The following AGBL1 variants were observed in gnomAD, a reference collection of about 807,000 sequenced individuals.
The protein encoded by AGBL1 is cytosolic carboxypeptidase 4.
A neutral mutation model predicts 118.9 loss-of-function variants in AGBL1; 130 were observed. That is an observed-to-expected ratio of 1.09 (90% CI 0.95 to 1.26). The LOEUF (loss-of-function observed/expected upper bound fraction) is 1.26. Among genes scored for constraint, AGBL1 ranks in the 50% most tolerant of loss-of-function variants. The pLI is 0.00. For synonymous variants in AGBL1, 555 were observed against 478.9 expected (o/e 1.16, Z -2.08); for missense variants, 1,584 against 1,298.1 (o/e 1.22, Z -3.38).
intron 24 of AGBL1, among the ~76,000 whole-genome samples, chr15:87,007,383 A>G (rs1207651832): frequency 6.6e-6 from 1 of 152,226 alleles, no homozygotes; most frequent in East Asian, 1.9e-4. Context: ...TTTTAGCTAA[A>G]CTATTTCCTC....
chr15:86,824,010 T>C (rs537821454), intron 22 of AGBL1, among the ~76,000 whole-genome samples: 13 of 152,162 alleles, frequency 8.5e-5, no homozygotes, highest in African/African-American at 3.1e-4. Context: ...CCCCTGATGA[T>C]TGGGAACAAG....
At chr15:87,007,560 T>C (rs375507085) in intron 24 of AGBL1, among the ~76,000 whole-genome samples, 1 of 152,268 alleles carries the variant, frequency 6.6e-6, no homozygotes, top group Middle Eastern at 3.4e-3. Flanking sequence ...ATAATAGACA[T>C]GAATAAGAAC....
chr15:86,310,784 T>C (rs559314110), intron 17 of AGBL1, among the ~76,000 whole-genome samples: 1 of 152,198 alleles, frequency 6.6e-6, no homozygotes, highest in Admixed American at 6.5e-5. Context: ...CAACTGAGAG[T>C]GCTAGCAAAC....
chr15:86,931,471 G>A (rs1201793343), intron 23 of AGBL1, among the ~76,000 whole-genome samples: 1 of 152,038 alleles, frequency 6.6e-6, no homozygotes, highest in East Asian at 1.9e-4. Flanking sequence ...TGGGCAAGTG[G>A]ACCCCAGTTC....
intron 22 of AGBL1, among the ~76,000 whole-genome samples, chr15:86,861,654 A>G (rs1310539122): frequency 1.3e-5 from 2 of 152,202 alleles, no homozygotes; most frequent in Non-Finnish European, 2.9e-5. Context: ...AAAACAATAT[A>G]TTAGGTATTT....
chr15:86,208,329 C>T (rs758626358), intron 5 of AGBL1, among the ~76,000 whole-genome samples: 41 of 152,144 alleles, frequency 2.7e-4, no homozygotes, highest in Non-Finnish European at 5.9e-5. Context: ...ATGATGCTGA[C>T]CTCATAAAAT....
At chr15:86,616,339 C>CAA (rs199936794) in intron 21 of AGBL1, among the ~76,000 whole-genome samples, 55 of 49,246 alleles carry the variant, frequency 1.1e-3, no homozygotes, top group Non-Finnish European at 1.9e-3. Flanking sequence ...TCCTCCACTT[C>CAA]AAAAAAAAAA....
At chr15:87,025,031 TG>T (rs1161617220) in intron 24 of AGBL1, among the ~76,000 whole-genome samples, 2 of 152,008 alleles carry the variant, frequency 1.3e-5, no homozygotes, top group Admixed American at 1.3e-4. Context: ...TAATGCTGAA[TG>T]GGGAAAAGTT....
chr15:86,277,289 A>AGAGT (rs149900878), intron 15 of AGBL1, among the ~76,000 whole-genome samples: 2 of 148,762 alleles, frequency 1.3e-5, no homozygotes, highest in East Asian at 2.0e-4. Context: ...AGAGAGAGAG[A>AGAGT]GTGTGTGTGT....
chr15:86,237,679 T>G (rs1008352584), intron 6 of AGBL1, among the ~76,000 whole-genome samples: 8 of 152,138 alleles, frequency 5.3e-5, no homozygotes, highest in African/African-American at 1.7e-4. Context: ...TTTGGATGGA[T>G]AAAAAAACTC....
rs146101715 is a variant in AGBL1, at chr15:86,281,253, A to G, written c.2220+1470A>G. Among the ~76,000 whole-genome samples the G allele has an allele frequency of 6.8e-4, 104 of 152,236 alleles. No individual in the cohort carries two copies. In the East Asian group the frequency reaches 0.012, roughly 18 times the overall value. On this transcript the variant is annotated intron_variant, in intron 16 of 22. Coordinates refer to ENST00000614907, the MANE Select transcript of AGBL1 (RefSeq NM_001386094.1). ...ACAAAAATTAGCCAGGCCTGGTGGC[A>G]TGCACCCATAGACCCAGCTACTTGG... is the stretch of plus-strand genomic sequence containing the variant.
At chr15:86,537,985 G>T (rs16977781) in intron 19 of AGBL1, among the ~76,000 whole-genome samples, 2 of 152,074 alleles carry the variant, frequency 1.3e-5, no homozygotes, top group African/African-American at 4.8e-5. Context: ...TGATTTACAG[G>T]CGCTCTTTCA....
At chr15:86,314,340 TCTTC>T (rs1026645467) in intron 17 of AGBL1, among the ~76,000 whole-genome samples, 10 of 152,186 alleles carry the variant, frequency 6.6e-5, no homozygotes, top group Admixed American at 3.3e-4. Context: ...GCTAGTAAGA[TCTTC>T]CTTTAGAGTG....
intron 21 of AGBL1, among the ~76,000 whole-genome samples, chr15:86,574,452 C>T (rs1346080936): frequency 6.6e-6 from 1 of 151,858 alleles, no homozygotes; most frequent in Non-Finnish European, 1.5e-5. Context: ...AACAAGGGCC[C>T]AACAAGAACT....
At chr15:86,638,030 G>A (rs1596327671) in intron 21 of AGBL1, among the ~76,000 whole-genome samples, 2 of 152,050 alleles carry the variant, frequency 1.3e-5, no homozygotes, top group Non-Finnish European at 2.9e-5. Context: ...GGACCTCAGA[G>A]GAAGAACAGG....
At chr15:86,663,069 A>C (rs979647577) in intron 21 of AGBL1, among the ~76,000 whole-genome samples, 5 of 152,270 alleles carry the variant, frequency 3.3e-5, no homozygotes, top group African/African-American at 4.8e-5. Context: ...CACTGGCGTG[A>C]CTATACCAAT....
Position 86,139,191 on chromosome 15 carries a change from C to T in AGBL1, c.52-2813C>T, listed in dbSNP as rs139529674. On this transcript the variant is annotated intron_variant, in intron 1 of 22. Coordinates refer to ENST00000614907, the MANE Select transcript of AGBL1 (RefSeq NM_001386094.1). ...ACTGCCCTTGTTAGCCCAAAGCTCC[C>T]AGTGGAGAAGATGTTAGAGGAAACC... Among the ~76,000 whole-genome samples, 14 of 152,270 alleles carry T rather than the reference C, an allele frequency of 9.2e-5. No individual in the cohort carries two copies. In the East Asian group the frequency reaches 2.7e-3, roughly 29 times the overall value.
chr15:87,021,904 C>G (rs1285213290), intron 24 of AGBL1, among the ~76,000 whole-genome samples: 2 of 152,098 alleles, frequency 1.3e-5, no homozygotes, highest in African/African-American at 4.8e-5. Context: ...CTGCAGGACC[C>G]AGGAGACATG....
intron 22 of AGBL1, among the ~76,000 whole-genome samples, chr15:86,756,100 T>C (rs964198133): frequency 1.3e-5 from 2 of 152,082 alleles, no homozygotes; most frequent in African/African-American, 2.4e-5. Flanking sequence ...GGGTCAATTA[T>C]AGGTTGTCAT....
Sources: gnomAD v4.1 joint callset for allele counts (sites outside exome capture counted in the v4.1 genomes callset) on GRCh38, gnomAD v4.1.1 for gene constraint, MANE v1.5 for transcripts, NCBI Gene and HGNC (gene_info 2026-07-23, HGNC 2026-07-21) for gene names.